The following CPS1 variants were observed in gnomAD, a reference collection of about 807,000 sequenced individuals.
CPS1 encodes the protein carbamoyl-phosphate synthase 1, also known as carbamoyl-phosphate synthase [ammonia], mitochondrial.
Under a neutral mutation model 174.6 loss-of-function variants are expected in CPS1, and 109 were observed. That is an observed-to-expected ratio of 0.62 (90% CI 0.53 to 0.73). CPS1 has a LOEUF of 0.73. Among genes scored for constraint, CPS1 ranks in the 30% least tolerant of loss-of-function variants. The probability of loss-of-function intolerance (pLI) is 0.00; values close to 1 mark genes in which losing one functional copy is unlikely to be tolerated. For missense variants in CPS1, 1,689 were observed against 1,821.9 expected, an observed-to-expected ratio of 0.93 and a Z score of 1.33; for synonymous variants, 637 against 632.0, an observed-to-expected ratio of 1.01 and a Z score of -0.12.
intron 33 of CPS1, 139 bp from the exon 34 acceptor site, chr2:210,668,039 GGAGTCTAT>G: frequency 1.5e-6 from 1 of 648,692 alleles, no homozygotes; most frequent in South Asian, 1.8e-5. Flanking sequence ...ATCTACAGAA[GGAGTCTAT>G]GAGTAAAGTA....
chr2:210,573,767 A>G (rs1697595503), intron 2 of CPS1, among the ~76,000 whole-genome samples: 1 of 152,104 alleles, frequency 6.6e-6, no homozygotes, highest in Non-Finnish European at 1.5e-5. Flanking sequence ...GGAAAAGAAT[A>G]GATAGTATAT....
At chr2:210,506,279 G>A (rs1695281740) in intron 1 of CPS1, among the ~76,000 whole-genome samples, 1 of 152,272 alleles carries the variant, frequency 6.6e-6, no homozygotes, top group East Asian at 1.9e-4. Flanking sequence ...AACAGGGTCA[G>A]GAGTGGACCT....
In CPS1 at chr2:210,504,954, AG is replaced by A. The variant is rs1354943254; in HGVS notation, c.3+27189del. Among the ~76,000 whole-genome samples, 3 of 152,000 alleles carry A rather than the reference AG, an allele frequency of 2.0e-5. No homozygotes were observed. The East Asian group carries it at 5.8e-4, about 29-fold the overall frequency. ...CTGACTCACTTCTACACTACTTAAA[AG>A]TAAATAGGAATAGGGGCTGATATAT... On this transcript the variant is annotated intron_variant, in intron 1 of 38. Coordinates refer to the CPS1 transcript ENST00000430249.
In CPS1 at chr2:210,589,981, AT is replaced by A. The variant is rs540619937; in HGVS notation, c.712-121del. The A allele has an allele frequency of 1.3e-4, 178 of 1,335,524 alleles. 1 individual carries two copies. The Admixed American group carries it at 1.4e-3, about 11-fold the overall frequency. The allele number at this position is 1,335,524 out of a possible 1,614,324, so 82.7% of individuals were successfully genotyped here. A position where few individuals can be genotyped will look rare whatever the true frequency, so the allele number is the denominator to read the frequency against. On this transcript the variant is annotated intron_variant, in intron 7 of 37. Coordinates refer to ENST00000233072, the MANE Select transcript of CPS1 (RefSeq NM_001875.5). ...AAGAAATTTTTGCTCAGCATTATTT[AT>A]TTTAAATGTTTACAAATTTTTCCTT...
chr2:210,499,500 G>A lies in CPS1; in HGVS notation c.3+21734G>A, dbSNP rs768540639. On this transcript the variant is annotated intron_variant, in intron 1 of 38. Transcript: ENST00000430249. The stretch of plus-strand genomic sequence containing the variant: ...ACCTCTACACCACTCCAGAGCAAGC[G>A]CTCCAATCTCTGGCCCAAGACAAAA... Among the ~76,000 whole-genome samples, 11 of 152,252 alleles carry A rather than the reference G, an allele frequency of 7.2e-5. No homozygotes were observed. The South Asian group carries it at 8.3e-4, about 11-fold the overall frequency.
intron 1 of CPS1, among the ~76,000 whole-genome samples, chr2:210,542,792 C>T (rs926846395): frequency 3.3e-5 from 5 of 152,094 alleles, no homozygotes; most frequent in African/African-American, 1.2e-4. Context: ...TATTCTTTCA[C>T]TTAGCTGCTT....
intron 5 of CPS1, among the ~76,000 whole-genome samples, chr2:210,582,073 C>T (rs973864513): frequency 1.4e-4 from 22 of 152,130 alleles, no homozygotes; most frequent in African/African-American, 5.3e-4. Flanking sequence ...AATTCAGGCC[C>T]ATAGGAACAC....
At chr2:210,602,109 G>T (rs532328526) in intron 15 of CPS1, 93 bp from the exon 16 acceptor site, 7 of 1,469,438 alleles carry the variant, frequency 4.8e-6, no homozygotes, top group Non-Finnish European at 6.6e-6. Flanking sequence ...CCCCACATAA[G>T]TTGGTTTACC....
chr2:210,488,288 T>C (rs1694780788), intron 1 of CPS1, among the ~76,000 whole-genome samples: 1 of 152,142 alleles, frequency 6.6e-6, no homozygotes, highest in East Asian at 1.9e-4. Flanking sequence ...TTTGTGGTGG[T>C]GGAAAGAACT....
intron 23 of CPS1, 105 bp downstream of exon 23, chr2:210,639,320 A>T: frequency 1.0e-6 from 1 of 974,034 alleles, no homozygotes; most frequent in Non-Finnish European, 1.6e-6. Context: ...GGTAATAAAA[A>T]AAGGCATCAT....
chr2:210,657,048 A>G (rs1279487619), intron 30 of CPS1, among the ~76,000 whole-genome samples: 2 of 152,070 alleles, frequency 1.3e-5, no homozygotes, highest in Non-Finnish European at 2.9e-5. Flanking sequence ...TGGGGATTCT[A>G]ATGTTTCAGG....
In CPS1 at chr2:210,646,371, C is replaced by A. The variant is rs535118078; in HGVS notation, c.3142-1492C>A. ...TAGTTTAAGTACACTTATAAATATG[C>A]AAAATGGTGGATTATTATTTTCAGT... On this transcript the variant is annotated intron_variant, in intron 25 of 37. Coordinates refer to ENST00000233072, the MANE Select transcript of CPS1 (RefSeq NM_001875.5). Among the ~76,000 whole-genome samples the A allele has an allele frequency of 2.0e-5, 3 of 152,148 alleles. No homozygotes were observed. In the East Asian group the frequency reaches 5.8e-4, roughly 29 times the overall value.
intron 19 of CPS1, 79 bp downstream of exon 19, chr2:210,608,638 A>G: frequency 7.1e-7 from 1 of 1,405,054 alleles, no homozygotes; most frequent in East Asian, 2.3e-5. Context: ...ACAGTGTTAA[A>G]GTTGCCTGGA....
intron 6 of CPS1, among the ~76,000 whole-genome samples, chr2:210,583,637 ATTTGAAGAGTTACGCACAG>A (rs1176809220): frequency 6.6e-6 from 1 of 152,144 alleles, no homozygotes; most frequent in African/African-American, 2.4e-5. Context: ...AACATAGTAT[ATTTGAAGAGTTACGCACAG>A]TTTGGGATGG....
At chr2:210,537,560 A>G (rs780848915) in intron 1 of CPS1, among the ~76,000 whole-genome samples, 1 of 152,232 alleles carries the variant, frequency 6.6e-6, no homozygotes, top group Non-Finnish European at 1.5e-5. Context: ...TGTACTGTTC[A>G]AGTGCTGTTT....
intron 1 of CPS1, among the ~76,000 whole-genome samples, chr2:210,489,947 G>A (rs1373059839): frequency 2.8e-5 from 4 of 143,178 alleles, no homozygotes; most frequent in Admixed American, 1.4e-4. Context: ...GCAGTGAGCC[G>A]AGATCCTGCC....
At chr2:210,520,812 G>A (rs538596538) in intron 1 of CPS1, among the ~76,000 whole-genome samples, 2 of 152,042 alleles carry the variant, frequency 1.3e-5, no homozygotes, top group South Asian at 4.2e-4. Context: ...GTATTCCATG[G>A]TATGAATGTA....
chr2:210,515,710 C>G (rs930378940), intron 1 of CPS1, among the ~76,000 whole-genome samples: 5 of 151,564 alleles, frequency 3.3e-5, no homozygotes, highest in African/African-American at 9.7e-5. Context: ...TTCAGTTCCA[C>G]TCTGTTAGTT....
In CPS1 at chr2:210,540,447, C is replaced by G. The variant is rs1696367339; in HGVS notation, c.4-16272C>G. On this transcript the variant is annotated intron_variant, in intron 1 of 38. Coordinates refer to the CPS1 transcript ENST00000430249. ...TTTGTGCACATGTTTTAGTATTTTT[C>G]TGAGTTTCATCCTGAAAAAATGTAA... is the stretch of plus-strand genomic sequence containing the variant. Among the ~76,000 whole-genome samples, 4 of 152,078 alleles carry G rather than the reference C, an allele frequency of 2.6e-5. No homozygotes were observed. In the South Asian group the frequency reaches 8.3e-4, roughly 32 times the overall value.
Sources: gnomAD v4.1 joint callset for allele counts (sites outside exome capture counted in the v4.1 genomes callset) on GRCh38, gnomAD v4.1.1 for gene constraint, MANE v1.5 for transcripts, NCBI Gene and HGNC (gene_info 2026-07-23, HGNC 2026-07-21) for gene names.